The following LTBP1 variants were observed in gnomAD, a reference collection of about 807,000 sequenced individuals.
LTBP1 encodes the protein latent transforming growth factor beta binding protein 1, also known as latent-transforming growth factor beta-binding protein 1.
LTBP1 carries 129 observed loss-of-function variants against 207.6 expected under a neutral mutation model. That is an observed-to-expected ratio of 0.62 (90% confidence interval 0.54 to 0.72). The LOEUF is 0.72. Among genes scored for constraint, LTBP1 ranks in the 30% least tolerant of loss-of-function variants. The probability of loss-of-function intolerance (pLI) is 0.00; values close to 1 mark genes in which losing one functional copy is unlikely to be tolerated. For synonymous variants in LTBP1, 963 were observed against 833.7 expected, an observed-to-expected ratio of 1.16 and a Z score of -2.67; for missense variants, 2,281 against 2,217.2, an observed-to-expected ratio of 1.03 and a Z score of -0.58.
chr2:33,239,960 TA>T (rs1260703370), intron 9 of LTBP1, among the ~76,000 whole-genome samples: 1 of 151,734 alleles, frequency 6.6e-6, no homozygotes, highest in African/African-American at 2.4e-5. Context: ...CCTGAAACAC[TA>T]TATTGTTATT....
chr2:32,954,160 G>T (rs975795840), intron 2 of LTBP1, among the ~76,000 whole-genome samples: 2 of 152,156 alleles, frequency 1.3e-5, no homozygotes, highest in Non-Finnish European at 2.9e-5. Flanking sequence ...GACATCCAGT[G>T]CTGTGACATT....
chr2:33,014,628 A>C (rs920633898), intron 2 of LTBP1, among the ~76,000 whole-genome samples: 7 of 152,236 alleles, frequency 4.6e-5, no homozygotes, highest in African/African-American at 1.7e-4. Flanking sequence ...GACTGAGACA[A>C]GTTTTAAATA....
intron 5 of LTBP1, among the ~76,000 whole-genome samples, chr2:33,155,200 G>C (rs1003617803): frequency 1.3e-5 from 2 of 151,894 alleles, no homozygotes; most frequent in African/African-American, 2.4e-5. Flanking sequence ...CTCAAGATTG[G>C]AACTACAGGC....
intron 3 of LTBP1, among the ~76,000 whole-genome samples, chr2:33,049,965 C>T (rs1441696078): frequency 1.3e-5 from 2 of 151,962 alleles, no homozygotes; most frequent in African/African-American, 4.8e-5. Context: ...CCTCATCCTC[C>T]TGAGTAGCTG....
chr2:33,276,337 G>A (rs1357215725), intron 18 of LTBP1, among the ~76,000 whole-genome samples: 1 of 152,090 alleles, frequency 6.6e-6, no homozygotes, highest in Admixed American at 6.6e-5. Flanking sequence ...TTTTACATGT[G>A]TTCTGGTACT....
chr2:33,246,852 A>G (rs746922759), intron 10 of LTBP1, among the ~76,000 whole-genome samples: 4 of 152,126 alleles, frequency 2.6e-5, no homozygotes, highest in Non-Finnish European at 4.4e-5. Context: ...AAATGCTGGC[A>G]TTTGCTGCCT....
intron 32 of LTBP1, among the ~76,000 whole-genome samples, chr2:33,392,211 G>A (rs1338564770): frequency 6.6e-6 from 1 of 150,482 alleles, no homozygotes; most frequent in African/African-American, 2.5e-5. Flanking sequence ...TTGAGACAGA[G>A]TCTTCCTCTC....
chr2:33,186,664 G>A lies in LTBP1; in HGVS notation c.1202-192G>A, dbSNP rs565427813. Reference sequence around the variant, plus strand: ...ATTAAAGAGTTAAATGACTTAAGATGGAAAGAAAAAGGTAGTCAGTAACGG... The same window carrying A: ...ATTAAAGAGTTAAATGACTTAAGATAGAAAGAAAAAGGTAGTCAGTAACGG... On this transcript the variant is annotated intron_variant, in intron 5 of 33. Coordinates refer to ENST00000404816, the MANE Select transcript of LTBP1 (RefSeq NM_206943.4). Among the ~76,000 whole-genome samples the A allele has an allele frequency of 3.9e-4, 60 of 152,244 alleles. 1 individual carries two copies. The South Asian group carries it at 0.012, about 29-fold the overall frequency.
At chr2:32,972,340 T>C (rs114514350) in intron 2 of LTBP1, among the ~76,000 whole-genome samples, 2,658 of 152,180 alleles carry the variant, frequency 0.017, 28 homozygotes, top group Middle Eastern at 0.041. Flanking sequence ...TTCTGCTAGC[T>C]TTGGGGTTGA....
At chr2:33,249,269 G>T (rs558329868) in intron 10 of LTBP1, among the ~76,000 whole-genome samples, 4 of 151,610 alleles carry the variant, frequency 2.6e-5, no homozygotes, top group African/African-American at 7.3e-5. Context: ...GGAATGCTGA[G>T]CTTGTGGGAG....
At chr2:33,329,353 A>T (rs1430416990) in intron 24 of LTBP1, among the ~76,000 whole-genome samples, 1 of 152,182 alleles carries the variant, frequency 6.6e-6, no homozygotes, top group African/African-American at 2.4e-5. Flanking sequence ...TGAAGTGCTC[A>T]AAACAACTAT....
intron 3 of LTBP1, among the ~76,000 whole-genome samples, chr2:33,087,084 C>CTTTTTTTTTTTTTTTTTTTTTTTT (rs35334788): frequency 5.6e-5 from 5 of 89,026 alleles, no homozygotes; most frequent in East Asian, 2.8e-4. Context: ...CTCCTTTATG[C>CTTTTTTTTTTTTTTTTTTTTTTTT]TTTTTTTTTT....
intron 2 of LTBP1, among the ~76,000 whole-genome samples, chr2:32,968,094 A>G (rs1680265311): frequency 6.6e-6 from 1 of 152,054 alleles, no homozygotes; most frequent in African/African-American, 2.4e-5. Flanking sequence ...CAGCCTTCTG[A>G]GTGCTGGGAC....
At chr2:33,260,172 T>C (rs1429849033) in intron 13 of LTBP1, among the ~76,000 whole-genome samples, 3 of 152,172 alleles carry the variant, frequency 2.0e-5, no homozygotes, top group Non-Finnish European at 4.4e-5. Flanking sequence ...TTGTGAGACA[T>C]TTTAGTAGGA....
intron 7 of LTBP1, among the ~76,000 whole-genome samples, chr2:33,197,264 G>T (rs1357964003): frequency 6.6e-6 from 1 of 152,224 alleles, no homozygotes; most frequent in Non-Finnish European, 1.5e-5. Context: ...GTATGAAGTA[G>T]TTGGCCGGTC....
Position 32,980,711 on chromosome 2 carries a change from G to A in LTBP1, c.565+31766G>A, listed in dbSNP as rs189704668. On this transcript the variant is annotated intron_variant, in intron 2 of 33. Transcript: ENST00000404816. ...AGATGATTTCATATTGCTCCTTAAT[G>A]TCCTTTTCTTTCAGATTGAAGGACT... is the stretch of plus-strand genomic sequence containing the variant. Among the ~76,000 whole-genome samples the A allele has an allele frequency of 4.7e-4, 72 of 152,130 alleles. 1 individual carries two copies. The highest frequency in any genetic ancestry group is 4.0e-3 in the Admixed American group (61 of 15,288).
chr2:33,237,464 T>C (rs1458824635), intron 9 of LTBP1, among the ~76,000 whole-genome samples: 1 of 152,224 alleles, frequency 6.6e-6, no homozygotes, highest in Non-Finnish European at 1.5e-5. Flanking sequence ...GAAAAAGTTA[T>C]GTGTTCACAT....
chr2:33,061,449 G>A (rs769001441), intron 3 of LTBP1: 3 of 152,130 alleles, frequency 2.0e-5, no homozygotes, highest in African/African-American at 4.8e-5. Context: ...GACTTGGCCA[G>A]TATCTAAGTT....
chr2:33,004,786 A>AATATATATATAT (rs34777461), intron 2 of LTBP1, among the ~76,000 whole-genome samples: 7,513 of 100,426 alleles, frequency 0.075, 354 homozygotes, highest in East Asian at 0.2. Flanking sequence ...AAAAAAAAGG[A>AATATATATATAT]ATATATATAT....
Sources: allele counts gnomAD v4.1 joint callset (sites outside exome capture counted in the v4.1 genomes callset), GRCh38; gene constraint gnomAD v4.1.1; transcripts MANE v1.5; gene names NCBI Gene and HGNC (gene_info 2026-07-23, HGNC 2026-07-21).